ZNF365: variants seen among roughly 807,000 people sequenced by gnomAD.
ZNF365 encodes protein ZNF365.
In ZNF365, 22 loss-of-function variants were observed where a neutral mutation model predicts 35.0. The observed-to-expected ratio is 0.63, with a 90% CI of 0.45 to 0.90. ZNF365 has a LOEUF of 0.90. Ranked by LOEUF, ZNF365 falls within the 40% of genes least tolerant of loss-of-function variation. The pLI is 0.00. For missense variants in ZNF365, 448 were observed against 500.3 expected, an observed-to-expected ratio of 0.90 and a Z score of 1.00; for synonymous variants, 188 against 196.2, an observed-to-expected ratio of 0.96 and a Z score of 0.35.
At chr10:62,457,848 ATGT>A (rs373813890) in intron 3 of ZNF365, among the ~76,000 whole-genome samples, 1 of 152,178 alleles carries the variant, frequency 6.6e-6, no homozygotes, top group African/African-American at 2.4e-5. Flanking sequence ...CATGGGTGGG[ATGT>A]GTCAACCACA....
chr10:62,471,086 G>T (rs1841026024), intron 4 of ZNF365, among the ~76,000 whole-genome samples: 1 of 151,922 alleles, frequency 6.6e-6, no homozygotes, highest in Admixed American at 6.6e-5. Context: ...GGTAATCTAG[G>T]CCGGGTGCCG....
Position 62,394,075 on chromosome 10 carries a change from GTATACTT to G in ZNF365, c.925-4661_925-4655del, listed in dbSNP as rs533018918. ...TGTGTTTCATTGTCATACAGGTTGA[GTATACTT>G]TATCCGAAATGCTTGGGACCAGAAA... is the stretch of plus-strand genomic sequence containing the variant. On this transcript the variant is annotated intron_variant, in intron 3 of 4. Coordinates refer to ENST00000395254, the MANE Select transcript of ZNF365 (RefSeq NM_014951.3). Among the ~76,000 whole-genome samples, 85 of 152,300 alleles carry G rather than the reference GTATACTT, an allele frequency of 5.6e-4. 2 individuals carry two copies. In the East Asian group the frequency reaches 0.016, roughly 29 times the overall value.
intron 2 of ZNF365, among the ~76,000 whole-genome samples, chr10:62,378,131 T>G (rs1207532356): frequency 1.3e-5 from 2 of 152,232 alleles, no homozygotes; most frequent in African/African-American, 4.8e-5. Flanking sequence ...AGGGAAATAA[T>G]CTCTAATGAA....
At chr10:62,383,587 G>T (rs577511554) in intron 2 of ZNF365, among the ~76,000 whole-genome samples, 4 of 152,202 alleles carry the variant, frequency 2.6e-5, no homozygotes, top group Admixed American at 1.3e-4. Flanking sequence ...TAGGATCAAC[G>T]TGTTGTCACT....
chr10:62,405,187 A>G (rs969879061), downstream of ZNF365, among the ~76,000 whole-genome samples: 1 of 152,206 alleles, frequency 6.6e-6, no homozygotes, highest in Admixed American at 6.5e-5. Context: ...TTAAATCAAC[A>G]GCAGTTCTTT....
intron 2 of ZNF365, among the ~76,000 whole-genome samples, chr10:62,381,216 T>C (rs1434648487): frequency 6.6e-6 from 1 of 151,932 alleles, no homozygotes; most frequent in Non-Finnish European, 1.5e-5. Flanking sequence ...CAGAAGAGAG[T>C]GACCTTGAAG....
chr10:62,400,630 G>A lies in ZNF365; in HGVS notation c.*841G>A. ...TAGGTGGTTGGAATGACAGTGGACTGCACGCTTGGTGCATCGTGCATCGTG... is the reference window on the plus strand; with the variant it reads ...TAGGTGGTTGGAATGACAGTGGACTACACGCTTGGTGCATCGTGCATCGTG... On this transcript the variant is annotated 3_prime_UTR_variant, in exon 5 of 5. Transcript: ENST00000395254. 1.0e-6 allele frequency: 1 copy of A among 985,814 alleles called. No individual in the cohort carries two copies. The highest frequency in any genetic ancestry group is 1.2e-6 in the Non-Finnish European group (1 of 829,976). 61.1% of individuals were successfully genotyped at this position (985,814 alleles called of 1,614,324 possible).
chr10:62,447,008 G>A (rs1428040385), intron 3 of ZNF365, among the ~76,000 whole-genome samples: 1 of 152,138 alleles, frequency 6.6e-6, no homozygotes, highest in Non-Finnish European at 1.5e-5. Flanking sequence ...CTGACCTCAT[G>A]TTCCTGTCAA....
At chr10:62,429,785 G>A (rs945095261) in intron 3 of ZNF365, among the ~76,000 whole-genome samples, 6 of 152,114 alleles carry the variant, frequency 3.9e-5, no homozygotes, top group Admixed American at 3.9e-4. Flanking sequence ...CAAAAACTAA[G>A]ACAGACTGAA....
chr10:62,411,339 T>C (rs961399202), intron 3 of ZNF365, among the ~76,000 whole-genome samples: 7 of 152,168 alleles, frequency 4.6e-5, no homozygotes, highest in African/African-American at 1.7e-4. Context: ...GTTTTCATCA[T>C]GAAATCTGTG....
chr10:62,426,821 A>G (rs947277536), intron 3 of ZNF365, among the ~76,000 whole-genome samples: 3 of 152,166 alleles, frequency 2.0e-5, no homozygotes, highest in Non-Finnish European at 4.4e-5. Flanking sequence ...TGTACTGGCC[A>G]GATAGAAGTG....
intron 3 of ZNF365, among the ~76,000 whole-genome samples, chr10:62,393,440 A>G (rs1839669938): frequency 6.6e-6 from 1 of 152,242 alleles, no homozygotes; most frequent in Non-Finnish European, 1.5e-5. Flanking sequence ...GTGCTACAAC[A>G]TTATAACAGC....
intron 3 of ZNF365, among the ~76,000 whole-genome samples, chr10:62,420,348 C>A (rs1254614096): frequency 6.6e-6 from 1 of 152,090 alleles, no homozygotes; most frequent in Non-Finnish European, 1.5e-5. Flanking sequence ...ACCAGTGATT[C>A]AATTTTTTTG....
At chr10:62,378,198 G>A (rs970931674) in intron 2 of ZNF365, among the ~76,000 whole-genome samples, 7 of 152,150 alleles carry the variant, frequency 4.6e-5, no homozygotes, top group African/African-American at 1.4e-4. Flanking sequence ...GTCTAGACCC[G>A]TTAATGGCCA....
At chr10:62,479,878 G>A (rs540765892) in exon 5 of ZNF365, 10 of 1,611,390 alleles carry the variant, frequency 6.2e-6, no homozygotes, top group Middle Eastern at 1.7e-4. Context: ...ATGACTAGGA[G>A]TCTGCGATTG....
At chr10:62,389,742 T>C (rs1247696699) in intron 3 of ZNF365, among the ~76,000 whole-genome samples, 1 of 152,216 alleles carries the variant, frequency 6.6e-6, no homozygotes, top group Non-Finnish European at 1.5e-5. Flanking sequence ...TCATGTACAC[T>C]TGGCCTTAGC....
At chr10:62,406,990 A>G (rs1839914906), downstream of ZNF365, among the ~76,000 whole-genome samples, 1 of 152,226 alleles carries the variant, frequency 6.6e-6, no homozygotes, top group Non-Finnish European at 1.5e-5. Context: ...CCAGAGGGTC[A>G]AGTATCTCCA....
At chr10:62,380,862 C>T (rs1360424153) in intron 2 of ZNF365, among the ~76,000 whole-genome samples, 1 of 152,080 alleles carries the variant, frequency 6.6e-6, no homozygotes, top group Non-Finnish European at 1.5e-5. Flanking sequence ...CTGAGTTGGT[C>T]CTGTGGGGTC....
rs1169042791 is a variant in ZNF365 at position 62,398,784 on chromosome 10, A to G, written c.962+7A>G. ...ATAGGAAGCCCAAATGCCTGTATGT[A>G]TGTATTTTTATACTTGGGCCATTTG... is the stretch of plus-strand genomic sequence containing the variant. On this transcript the variant is annotated splice_region_variant and intron_variant, in intron 4 of 4. Coordinates refer to ENST00000395254, the MANE Select transcript of ZNF365 (RefSeq NM_014951.3). The G allele has an allele frequency of 6.2e-7, 1 of 1,610,374 alleles. No individual in the cohort carries two copies. Among genetic ancestry groups the G allele is most frequent in the Non-Finnish European group, 8.5e-7 (1 of 1,178,440 alleles).
Sources: gnomAD v4.1 joint callset for allele counts (sites outside exome capture counted in the v4.1 genomes callset) on GRCh38, gnomAD v4.1.1 for gene constraint, MANE v1.5 for transcripts, NCBI Gene and HGNC (gene_info 2026-07-23, HGNC 2026-07-21) for gene names.